The following ATP8A2 variants were observed in gnomAD, a reference collection of about 807,000 sequenced individuals.
ATP8A2 encodes phospholipid-transporting ATPase IB.
ATP8A2 carries 100 observed loss-of-function variants against 165.6 expected under a neutral mutation model. The observed-to-expected ratio is 0.60, with a 90% CI of 0.51 to 0.71. ATP8A2 has a LOEUF of 0.71. ATP8A2 is among the 30% of genes least tolerant of loss of function. ATP8A2 has a pLI of 0.00. For missense variants in ATP8A2, 1,227 were observed against 1,479.5 expected (o/e 0.83, Z 2.80); for synonymous variants, 543 against 548.8 (o/e 0.99, Z 0.15).
At chr13:25,741,879 A>G (rs2043920834) in intron 25 of ATP8A2, among the ~76,000 whole-genome samples, 1 of 152,330 alleles carries the variant, frequency 6.6e-6, no homozygotes, top group South Asian at 2.1e-4. Flanking sequence ...GCCTGAGTCT[A>G]TAATGCCTGA....
At chr13:25,943,252 C>G (rs1473783011) in intron 33 of ATP8A2, among the ~76,000 whole-genome samples, 2 of 152,192 alleles carry the variant, frequency 1.3e-5, no homozygotes, top group African/African-American at 4.8e-5. Flanking sequence ...AACTGCTATG[C>G]TGTCAACTGG....
At chr13:25,772,205 G>A (rs557520388) in intron 26 of ATP8A2, among the ~76,000 whole-genome samples, 9 of 152,162 alleles carry the variant, frequency 5.9e-5, no homozygotes, top group African/African-American at 1.7e-4. Context: ...CATTCTCCTC[G>A]GGAGAATCAT....
intron 25 of ATP8A2, among the ~76,000 whole-genome samples, chr13:25,701,193 G>C (rs1349481250): frequency 3.3e-5 from 5 of 152,016 alleles, no homozygotes; most frequent in African/African-American, 1.2e-4. Flanking sequence ...ACAAAGGCCA[G>C]TTTATCTATC....
chr13:25,485,188 G>C (rs1460985317), intron 2 of ATP8A2, among the ~76,000 whole-genome samples: 2 of 152,234 alleles, frequency 1.3e-5, no homozygotes, highest in African/African-American at 4.8e-5. Flanking sequence ...ACTGTCAGCT[G>C]TCATGCAGTT....
chr13:25,871,126 A>G, intron 33 of ATP8A2: 1 of 321,584 alleles, frequency 3.1e-6, no homozygotes, highest in Non-Finnish European at 6.1e-6. Flanking sequence ...TTTTTTCTTC[A>G]GAGGTTTTGT....
At chr13:25,609,534 G>GGGATTCAAATATATATATATAGATTT (rs2040605112) in intron 24 of ATP8A2, among the ~76,000 whole-genome samples, 1 of 42,220 alleles carries the variant, frequency 2.4e-5, no homozygotes, top group Non-Finnish European at 7.2e-5. Context: ...ATATATATTT[G>GGGATTCAAATATATATATATAGATTT]GGATTCAAAT....
At chr13:25,945,231 T>C (rs9581489) in intron 33 of ATP8A2, among the ~76,000 whole-genome samples, 1 of 152,156 alleles carries the variant, frequency 6.6e-6, no homozygotes, top group Non-Finnish European at 1.5e-5. Flanking sequence ...TGTGTATGTA[T>C]GTGTGTGAAT....
intron 24 of ATP8A2, among the ~76,000 whole-genome samples, chr13:25,664,850 A>G: frequency 6.6e-6 from 1 of 152,118 alleles, no homozygotes; most frequent in East Asian, 1.9e-4. Context: ...CATGGGACAT[A>G]ACTGATTTTC....
At chr13:25,568,650 T>C (rs1355616234) in intron 16 of ATP8A2, among the ~76,000 whole-genome samples, 1 of 152,154 alleles carries the variant, frequency 6.6e-6, no homozygotes, top group Non-Finnish European at 1.5e-5. Context: ...ATAGAGTTTC[T>C]GCTGGGGAAG....
chr13:25,569,326 C>T (rs1398569063), intron 16 of ATP8A2, among the ~76,000 whole-genome samples: 2 of 152,048 alleles, frequency 1.3e-5, no homozygotes, highest in African/African-American at 4.8e-5. Context: ...TGATTTGCTT[C>T]CATAAAATTC....
chr13:25,705,082 G>T, intron 25 of ATP8A2: 2 of 353,570 alleles, frequency 5.7e-6, no homozygotes, highest in Non-Finnish European at 5.5e-6. Context: ...TGTGGAAAAT[G>T]TGTAAACCAT....
intron 33 of ATP8A2, among the ~76,000 whole-genome samples, chr13:25,939,302 G>A (rs986571948): frequency 6.6e-6 from 1 of 152,148 alleles, no homozygotes; most frequent in South Asian, 2.1e-4. Context: ...TTTCCTTTTA[G>A]AGCTTCCAAT....
chr13:25,700,857 C>A (rs931121607), intron 25 of ATP8A2, among the ~76,000 whole-genome samples: 1 of 152,184 alleles, frequency 6.6e-6, no homozygotes, highest in Non-Finnish European at 1.5e-5. Flanking sequence ...CATATCCATG[C>A]TAACACTTGT....
At chr13:25,865,914 GT>G (rs954577856) in intron 33 of ATP8A2, among the ~76,000 whole-genome samples, 2 of 151,970 alleles carry the variant, frequency 1.3e-5, no homozygotes, top group Non-Finnish European at 1.5e-5. Context: ...ACATGATGAT[GT>G]TTTTTTTCCG....
chr13:25,468,627 C>G (rs1261922253), intron 1 of ATP8A2, among the ~76,000 whole-genome samples: 3 of 152,154 alleles, frequency 2.0e-5, no homozygotes, highest in Non-Finnish European at 4.4e-5. Flanking sequence ...CGTCCCCGCG[C>G]GGTCGCCCAC....
chr13:25,746,234 TC>T (rs1327312617), intron 25 of ATP8A2, among the ~76,000 whole-genome samples: 1 of 152,066 alleles, frequency 6.6e-6, no homozygotes, highest in Non-Finnish European at 1.5e-5. Context: ...CCCAAAAAAC[TC>T]CCAAACGCCC....
chr13:25,779,821 T>G (rs1293059215), intron 27 of ATP8A2, among the ~76,000 whole-genome samples: 1 of 152,142 alleles, frequency 6.6e-6, no homozygotes, highest in Non-Finnish European at 1.5e-5. Flanking sequence ...AATGTAAAGA[T>G]TAGGGGTAAA....
chr13:25,708,459 TG>T (rs2043096360), intron 25 of ATP8A2, among the ~76,000 whole-genome samples: 1 of 152,334 alleles, frequency 6.6e-6, no homozygotes, highest in Non-Finnish European at 1.5e-5. Context: ...TTACGTTAAT[TG>T]GTCCCAAAGA....
intron 24 of ATP8A2, among the ~76,000 whole-genome samples, chr13:25,614,162 C>T (rs964226513): frequency 1.3e-5 from 2 of 152,046 alleles, no homozygotes; most frequent in Admixed American, 6.6e-5. Flanking sequence ...TTGGGTACAC[C>T]GATTATTCTT....
Sources: allele counts gnomAD v4.1 joint callset (sites outside exome capture counted in the v4.1 genomes callset), GRCh38; gene constraint gnomAD v4.1.1; transcripts MANE v1.5; gene names NCBI Gene and HGNC (gene_info 2026-07-23, HGNC 2026-07-21).